Variants in TAAR5 observed in about 807,000 individuals in gnomAD.
The protein encoded by TAAR5 is trace amine-associated receptor 5.
In TAAR5, 27 loss-of-function variants were observed where a neutral mutation model predicts 21.1. The observed-to-expected ratio is 1.28, with a 90% confidence interval of 0.94 to 1.76. TAAR5 has a LOEUF of 1.76. Ranked by LOEUF, TAAR5 falls within the 40% of genes most tolerant of loss-of-function variation. TAAR5 has a pLI of 0.00. For missense variants in TAAR5, 495 were observed against 405.6 expected, an observed-to-expected ratio of 1.22 and a Z score of -1.89; for synonymous variants, 203 against 167.5, an observed-to-expected ratio of 1.21 and a Z score of -1.64.
chr6:132,597,965 C>G, the TAAR5 span, among the ~76,000 whole-genome samples: 1 of 151,892 alleles, frequency 6.6e-6, no homozygotes, highest in African/African-American at 2.4e-5. Flanking sequence ...GTACTAGAAC[C>G]CTGAAATATG....
the TAAR5 span, among the ~76,000 whole-genome samples, chr6:132,597,647 C>T: frequency 5.3e-5 from 8 of 152,164 alleles, no homozygotes; most frequent in Admixed American, 3.3e-4. Context: ...GTGCCTTTTT[C>T]TCTTTTTTAC....
chr6:132,599,581 C>G, the TAAR5 span, among the ~76,000 whole-genome samples: 86,233 of 151,670 alleles, frequency 0.57, 26,130 homozygotes, highest in African/African-American at 0.8. Context: ...CACCTGCATC[C>G]GCCTCCCAAA....
chr6:132,601,015 AG>A, the TAAR5 span, among the ~76,000 whole-genome samples: 73 of 35,066 alleles, frequency 2.1e-3, 2 homozygotes, highest in African/African-American at 2.7e-3. Flanking sequence ...GAAGGAAGGA[AG>A]GGGGGAAGGA....
chr6:132,609,169 C>G, the TAAR5 span: 10 of 372,374 alleles, frequency 2.7e-5, no homozygotes, highest in Non-Finnish European at 2.1e-5. Flanking sequence ...CAGTCATAAC[C>G]GAATACATTA....
At chr6:132,612,368 G>A in the TAAR5 span, among the ~76,000 whole-genome samples, 1 of 152,118 alleles carries the variant, frequency 6.6e-6, no homozygotes, top group African/African-American at 2.4e-5. Flanking sequence ...CTAATTCAAT[G>A]TGCTTAAAAT....
upstream of TAAR5, among the ~76,000 whole-genome samples, chr6:132,591,949 G>C (rs1213241104): frequency 6.6e-6 from 1 of 152,226 alleles, no homozygotes; most frequent in East Asian, 1.9e-4. Flanking sequence ...TCTCTGGCAT[G>C]TAGAAAGTTG....
At position 132,589,435 on chromosome 6, in the gene TAAR5, A is replaced by T. The variant is rs558684856; in HGVS notation, c.252T>A (p.Gly84=). The change falls in exon 1 of 1, where the codon GGT becomes GGA. Residue 84 remains glycine (G), a synonymous_variant. Coordinates refer to ENST00000258034, the MANE Select transcript of TAAR5 (RefSeq NM_003967.3). ...TGGTGCTGAGGGGCAGCACCAGCAG[A>T]CCCAGAAACATGTCAGCCAGGGCCA... ...LSLALADMFL[G]LLVLPLSTIR... 102 of 1,613,994 alleles carry T rather than the reference A, an allele frequency of 6.3e-5. 2 individuals are homozygous for T. In the South Asian group the frequency reaches 1.1e-3, roughly 17 times the overall value.
chr6:132,598,085 C>T, the TAAR5 span, among the ~76,000 whole-genome samples: 1 of 152,134 alleles, frequency 6.6e-6, no homozygotes, highest in African/African-American at 2.4e-5. Flanking sequence ...ATCATACCTG[C>T]TTTATCAGGC....
rs1296544100 is a variant in TAAR5, at chr6:132,589,412, GT to G, written c.274del (p.Thr92ProfsTer57). ...CCAGCAGCTCTCCACTGAGCGAATG[GT>G]GCTGAGGGGCAGCACCAGCAGACCC... Reference protein sequence around the residue: ...FLGLLVLPLSTIRSVESCWFF... With the variant: ...FLGLLVLPLSXIRSVESCWFF... On this transcript the variant is annotated frameshift_variant, in exon 1 of 1. Transcript: ENST00000258034. LOFTEE classifies it high-confidence loss of function. The G allele has an allele frequency of 1.2e-6, 2 of 1,614,098 alleles. No individual in the cohort carries two copies. Among genetic ancestry groups the G allele is most frequent in the South Asian group, 1.1e-5 (1 of 91,084 alleles).
the TAAR5 span, among the ~76,000 whole-genome samples, chr6:132,611,294 G>C: frequency 6.6e-6 from 1 of 151,884 alleles, no homozygotes; most frequent in Non-Finnish European, 1.5e-5. Flanking sequence ...ATAGTGGGGA[G>C]AGGGGGATAA....
chr6:132,615,576 A>G, the TAAR5 span, among the ~76,000 whole-genome samples: 33 of 152,116 alleles, frequency 2.2e-4, no homozygotes, highest in African/African-American at 7.7e-4. Context: ...ACTTACTACA[A>G]AATTCTCGGT....
At chr6:132,608,279 C>G in the TAAR5 span, 1 of 437,880 alleles carries the variant, frequency 2.3e-6, no homozygotes, top group Non-Finnish European at 4.5e-6. Context: ...TTTGCAGTTT[C>G]TGAATGGGAG....
In TAAR5 at chr6:132,589,333, G is replaced by A. The variant is rs760079747; in HGVS notation, c.354C>T (p.Cys118=). 6.2e-7 allele frequency: 1 copy of A among 1,613,922 alleles called. No homozygotes were observed. Among genetic ancestry groups the A allele is most frequent in the Non-Finnish European group, 8.5e-7 (1 of 1,179,984 alleles). Residue 118 remains cysteine (C), a synonymous_variant, in exon 1 of 1, where the codon TGC becomes TGT. Coordinates refer to ENST00000258034, the MANE Select transcript of TAAR5 (RefSeq NM_003967.3). The stretch of plus-strand genomic sequence containing the variant: ...AACAGAGATGGAAGATGGAGGTGAG[G>A]CAGAAGAGGGTGTCCAGGTAGGTGT... ...RLHTYLDTLF[C]LTSIFHLCFI...
upstream of TAAR5, among the ~76,000 whole-genome samples, chr6:132,591,550 A>G (rs1312545504): frequency 6.6e-6 from 1 of 152,208 alleles, no homozygotes; most frequent in Non-Finnish European, 1.5e-5. Flanking sequence ...GGAAATACAT[A>G]TCTGGCTCCA....
the TAAR5 span, among the ~76,000 whole-genome samples, chr6:132,611,357 C>A: frequency 6.6e-6 from 1 of 151,240 alleles, no homozygotes; most frequent in South Asian, 2.1e-4. Context: ...TGAATATGAT[C>A]TAGTATTAAG....
the TAAR5 span, among the ~76,000 whole-genome samples, chr6:132,597,458 A>T: frequency 6.6e-6 from 1 of 152,208 alleles, no homozygotes; most frequent in African/African-American, 2.4e-5. Flanking sequence ...GCTAAAGGGA[A>T]CTGAGTATAA....
chr6:132,593,877 G>A (rs1353845801), upstream of TAAR5, among the ~76,000 whole-genome samples: 1 of 152,120 alleles, frequency 6.6e-6, no homozygotes, highest in Non-Finnish European at 1.5e-5. Context: ...ATTACAATTG[G>A]AAGTAACTAC....
the TAAR5 span, chr6:132,609,138 G>A: frequency 0.18 from 71,941 of 402,834 alleles, 7,607 homozygotes; most frequent in Middle Eastern, 0.25. Context: ...CCAAGTTTCC[G>A]AATAGTGATA....
upstream of TAAR5, among the ~76,000 whole-genome samples, chr6:132,589,959 A>C (rs1776881387): frequency 6.6e-6 from 1 of 152,048 alleles, no homozygotes; most frequent in Admixed American, 6.6e-5. Flanking sequence ...GGCACTTTAA[A>C]ACTAGTGTAG....
Sources: allele counts gnomAD v4.1 joint callset (sites outside exome capture counted in the v4.1 genomes callset), GRCh38; gene constraint gnomAD v4.1.1; transcripts MANE v1.5; gene names NCBI Gene and HGNC (gene_info 2026-07-23, HGNC 2026-07-21).